The following MCPH1 variants were observed in gnomAD, a reference collection of about 807,000 sequenced individuals.
The protein encoded by MCPH1 is microcephalin 1, also known as microcephalin.
In MCPH1, 104 loss-of-function variants were observed where a neutral mutation model predicts 84.5. The ratio of observed to expected loss-of-function variants is 1.23; its 90% CI spans 1.05 to 1.45. The LOEUF is 1.45. Among genes scored for constraint, MCPH1 ranks in the 40% most tolerant of loss-of-function variants. The probability of loss-of-function intolerance (pLI) is 0.00; values close to 1 mark genes in which losing one functional copy is unlikely to be tolerated. For synonymous variants in MCPH1, 514 were observed against 366.8 expected (o/e 1.40, Z -4.58); for missense variants, 1,498 against 1,005.7 (o/e 1.49, Z -6.62).
intron 3 of MCPH1, among the ~76,000 whole-genome samples, chr8:6,419,727 G>A (rs1799888883): frequency 1.3e-5 from 2 of 151,982 alleles, no homozygotes; most frequent in Non-Finnish European, 2.9e-5. Context: ...AGGCCAGGCT[G>A]GGCTCAAGTG....
intron 11 of MCPH1, among the ~76,000 whole-genome samples, chr8:6,488,821 C>A (rs1240525187): frequency 3.9e-5 from 6 of 151,936 alleles, no homozygotes; most frequent in Non-Finnish European, 8.8e-5. Context: ...GAGGTAAGAA[C>A]AGGGTGAGAA....
chr8:6,508,810 T>G, intron 12 of MCPH1: 1 of 1,339,984 alleles, frequency 7.5e-7, no homozygotes, highest in Non-Finnish European at 1.1e-6. Context: ...CAAGCTAGTG[T>G]GTCTACGTAT....
intron 12 of MCPH1, among the ~76,000 whole-genome samples, chr8:6,610,651 G>T (rs1209823549): frequency 6.6e-6 from 1 of 151,956 alleles, no homozygotes; most frequent in African/African-American, 2.4e-5. Context: ...TAATCATTCT[G>T]CTTAGAAAGT....
chr8:6,625,875 G>A (rs192202484), intron 13 of MCPH1: 7 of 985,254 alleles, frequency 7.1e-6, no homozygotes, highest in Admixed American at 1.2e-4. Context: ...AAACTCACAG[G>A]GGGTGGAGAA....
intron 13 of MCPH1, chr8:6,625,258 G>A: frequency 2.0e-6 from 2 of 985,468 alleles, no homozygotes; most frequent in Middle Eastern, 5.2e-4. Context: ...CCACATGCTG[G>A]TTAAAGGAGG....
chr8:6,605,464 G>A (rs544255231), intron 12 of MCPH1, among the ~76,000 whole-genome samples: 5 of 152,264 alleles, frequency 3.3e-5, no homozygotes, highest in South Asian at 2.1e-4. Context: ...CAAAGACTCC[G>A]CAGCAAATAA....
intron 12 of MCPH1, among the ~76,000 whole-genome samples, chr8:6,534,876 A>C (rs1820214921): frequency 6.6e-6 from 1 of 152,188 alleles, no homozygotes; most frequent in African/African-American, 2.4e-5. Flanking sequence ...AGAAGCCATA[A>C]ATAGCAGTTC....
At chr8:6,489,061 G>T (rs983678132) in intron 11 of MCPH1, among the ~76,000 whole-genome samples, 2 of 152,066 alleles carry the variant, frequency 1.3e-5, no homozygotes, top group African/African-American at 4.8e-5. Flanking sequence ...AGGGAATTCT[G>T]GGGCAGAAGA....
intron 13 of MCPH1, among the ~76,000 whole-genome samples, chr8:6,628,241 C>A (rs969294034): frequency 6.6e-6 from 1 of 152,006 alleles, no homozygotes; most frequent in African/African-American, 2.4e-5. Flanking sequence ...GAGGCCGAAG[C>A]GGGCGGATCA....
chr8:6,598,400 G>C (rs1829089491), intron 12 of MCPH1, among the ~76,000 whole-genome samples: 1 of 152,134 alleles, frequency 6.6e-6, no homozygotes, highest in Non-Finnish European at 1.5e-5. Context: ...CAGAGCCGGC[G>C]ACCGGCCAGA....
chr8:6,582,618 C>T (rs1193590329), intron 12 of MCPH1, among the ~76,000 whole-genome samples: 1 of 152,176 alleles, frequency 6.6e-6, no homozygotes, highest in Non-Finnish European at 1.5e-5. Context: ...TACCTCTCAC[C>T]ATGAGAGCGC....
Position 6,414,862 on chromosome 8 carries a change from T to A in MCPH1, c.212T>A (p.Val71Asp). Reference protein sequence around the residue: ...DKAQKRGVKLVSVLWVEKCRT... With the variant: ...DKAQKRGVKLDSVLWVEKCRT... ...GCTCAGAAGAGAGGCGTAAAGCTCG[T>A]TTCGGTGCTCTGGGTGGAAAAGTAA... Residue 71 changes from valine (V) to aspartate (D), a missense_variant, in exon 3 of 14, where the codon GTT becomes GAT. Physicochemically the swap from Val to Asp is radical, Grantham distance 152. Transcript: ENST00000344683. 1 of 1,613,796 alleles carries A rather than the reference T, an allele frequency of 6.2e-7. No homozygotes were observed.
intron 12 of MCPH1, among the ~76,000 whole-genome samples, chr8:6,561,442 G>C (rs1278324700): frequency 6.6e-6 from 1 of 152,292 alleles, no homozygotes; most frequent in East Asian, 1.9e-4. Context: ...AGGTAGGGGA[G>C]GTAATGAGGA....
chr8:6,458,476 A>G (rs1805935616), intron 9 of MCPH1, among the ~76,000 whole-genome samples: 6 of 134,410 alleles, frequency 4.5e-5, no homozygotes. Context: ...CTTCTCAAAA[A>G]AAAAAAAAAA....
At chr8:6,416,659 C>G (rs910026180) in intron 3 of MCPH1, among the ~76,000 whole-genome samples, 1 of 152,042 alleles carries the variant, frequency 6.6e-6, no homozygotes, top group African/African-American at 2.4e-5. Context: ...AGGATAAATC[C>G]TACTTGGTCA....
chr8:6,519,980 T>C (rs1817005809), intron 12 of MCPH1: 3 of 1,614,058 alleles, frequency 1.9e-6, no homozygotes, highest in Non-Finnish European at 2.5e-6. Flanking sequence ...TTAGCAACAG[T>C]GGGGTCCTTA....
chr8:6,459,178 C>CT lies in MCPH1; in HGVS notation c.1935+3933dup, dbSNP rs577895142. On this transcript the variant is annotated intron_variant, in intron 9 of 13. Transcript: ENST00000344683. ...ATATAATGTTAGTATCTCAACCATT[C>CT]TTTTTTTCCCATTAAATAGGTTTTA... Among the ~76,000 whole-genome samples, 315 of 152,294 alleles carry CT rather than the reference C, an allele frequency of 2.1e-3. 1 individual carries two copies. The highest frequency in any genetic ancestry group is 2.1e-3 in the Non-Finnish European group (146 of 68,014).
chr8:6,427,074 C>G (rs943753029), intron 3 of MCPH1, among the ~76,000 whole-genome samples: 4 of 152,174 alleles, frequency 2.6e-5, no homozygotes, highest in African/African-American at 9.7e-5. Context: ...AGGCATAAAC[C>G]TCTACAGCAT....
intron 12 of MCPH1, among the ~76,000 whole-genome samples, chr8:6,529,133 C>G (rs947840510): frequency 2.0e-5 from 3 of 152,182 alleles, no homozygotes; most frequent in Admixed American, 6.5e-5. Flanking sequence ...TAATTGTAAC[C>G]ATTTTCACAT....
Sources: gnomAD v4.1 joint callset for allele counts (sites outside exome capture counted in the v4.1 genomes callset) on GRCh38, gnomAD v4.1.1 for gene constraint, MANE v1.5 for transcripts, NCBI Gene and HGNC (gene_info 2026-07-23, HGNC 2026-07-21) for gene names.